The following SYCP2L variants were observed in gnomAD, a reference collection of about 807,000 sequenced individuals.
SYCP2L encodes synaptonemal complex protein 2 like, also known as synaptonemal complex protein 2-like.
Under a neutral mutation model 125.8 loss-of-function variants are expected in SYCP2L, and 98 were observed. The observed-to-expected ratio is 0.78, with a 90% CI of 0.66 to 0.92. The LOEUF is 0.92. SYCP2L is among the 40% of genes least tolerant of loss of function. The pLI, the probability that SYCP2L is intolerant of heterozygous loss-of-function variation, is 0.00. For synonymous variants in SYCP2L, 317 were observed against 325.4 expected, an observed-to-expected ratio of 0.97 and a Z score of 0.28; for missense variants, 842 against 936.4, an observed-to-expected ratio of 0.90 and a Z score of 1.32.
intron 21 of SYCP2L, among the ~76,000 whole-genome samples, chr6:10,936,138 T>G (rs1316333123): frequency 6.6e-6 from 1 of 152,052 alleles, no homozygotes; most frequent in African/African-American, 2.4e-5. Flanking sequence ...AATCTGTTAG[T>G]GTAGCTGCCA....
intron 24 of SYCP2L, among the ~76,000 whole-genome samples, chr6:10,955,720 G>A (rs1266841057): frequency 6.6e-6 from 1 of 152,170 alleles, no homozygotes; most frequent in Non-Finnish European, 1.5e-5. Flanking sequence ...ACTTATGCAA[G>A]CTCTGTTAAA....
intron 6 of SYCP2L, among the ~76,000 whole-genome samples, chr6:10,900,278 G>A (rs890148702): frequency 2.0e-5 from 3 of 151,702 alleles, no homozygotes; most frequent in African/African-American, 7.3e-5. Context: ...TACATGGTGG[G>A]CAGAGACCTG....
intron 21 of SYCP2L, among the ~76,000 whole-genome samples, chr6:10,938,213 T>C (rs1039128131): frequency 6.6e-6 from 1 of 152,176 alleles, no homozygotes; most frequent in African/African-American, 2.4e-5. Context: ...CTATACACCA[T>C]GTTAAAGTAG....
chr6:10,937,159 G>A (rs76224777), intron 21 of SYCP2L, among the ~76,000 whole-genome samples: 5,124 of 152,234 alleles, frequency 0.034, 223 homozygotes, highest in East Asian at 0.22. Flanking sequence ...TGTACAGTGC[G>A]CATGGGACAT....
chr6:10,956,803 T>G (rs959870344), intron 25 of SYCP2L, among the ~76,000 whole-genome samples: 4 of 151,992 alleles, frequency 2.6e-5, no homozygotes, highest in East Asian at 1.9e-4. Context: ...ATCAATCATG[T>G]GTATACCTTG....
chr6:10,935,329 A>G (rs1404806632), intron 21 of SYCP2L, 142 bp downstream of exon 21: 1 of 894,996 alleles, frequency 1.1e-6, no homozygotes, highest in Admixed American at 3.0e-5. Flanking sequence ...GTCTCTTATT[A>G]GCAAATTAAC....
intron 29 of SYCP2L, among the ~76,000 whole-genome samples, chr6:10,966,220 A>C (rs1781674352): frequency 6.6e-6 from 1 of 152,226 alleles, no homozygotes; most frequent in Non-Finnish European, 1.5e-5. Flanking sequence ...TGACCAAGTG[A>C]GATTTATTCC....
At chr6:10,949,519 G>C (rs899758734) in intron 23 of SYCP2L, among the ~76,000 whole-genome samples, 4 of 152,042 alleles carry the variant, frequency 2.6e-5, no homozygotes, top group South Asian at 2.1e-4. Flanking sequence ...AACTGGACTT[G>C]CCTTATGGCT....
intron 29 of SYCP2L, among the ~76,000 whole-genome samples, chr6:10,969,187 A>T (rs1232856422): frequency 1.3e-5 from 2 of 152,144 alleles, no homozygotes; most frequent in Non-Finnish European, 2.9e-5. Context: ...TTTTATAAGG[A>T]TGTAATTCTA....
intron 9 of SYCP2L, 106 bp from the exon 10 acceptor site, chr6:10,907,436 G>A: frequency 9.9e-7 from 1 of 1,013,086 alleles, no homozygotes; most frequent in Non-Finnish European, 1.4e-6. Flanking sequence ...CACAATGCTA[G>A]GCTTCTCAGA....
chr6:10,933,640 G>A (rs995883539), intron 20 of SYCP2L, among the ~76,000 whole-genome samples: 7 of 152,136 alleles, frequency 4.6e-5, no homozygotes, highest in Admixed American at 1.3e-4. Context: ...GGGGTCTTAC[G>A]ATCTTAGTAT....
chr6:10,901,487 A>G (rs77162817), intron 6 of SYCP2L, among the ~76,000 whole-genome samples: 6,565 of 152,178 alleles, frequency 0.043, 476 homozygotes, highest in African/African-American at 0.15. Context: ...AGCTCAGGAA[A>G]ATTTGTTCTT....
chr6:10,921,697 G>A (rs1412179009), intron 14 of SYCP2L, among the ~76,000 whole-genome samples: 4 of 151,084 alleles, frequency 2.6e-5, no homozygotes, highest in Non-Finnish European at 4.4e-5. Flanking sequence ...GTCTGTTTAT[G>A]TCCTTTGACC....
chr6:10,956,269 T>C, intron 25 of SYCP2L, 27 bp downstream of exon 25: 1 of 1,508,268 alleles, frequency 6.6e-7, no homozygotes, highest in East Asian at 2.3e-5. Flanking sequence ...CTTAAAAAAC[T>C]AGAGCGTTAT....
At chr6:10,894,994 G>A (rs1036681335) in intron 4 of SYCP2L, among the ~76,000 whole-genome samples, 5 of 152,158 alleles carry the variant, frequency 3.3e-5, no homozygotes, top group African/African-American at 7.2e-5. Context: ...TCTAAAATGC[G>A]TCTAATTATG....
chr6:10,965,052 G>T (rs1183559699), intron 29 of SYCP2L, among the ~76,000 whole-genome samples: 4 of 152,030 alleles, frequency 2.6e-5, no homozygotes, highest in Non-Finnish European at 4.4e-5. Flanking sequence ...AATATATGTG[G>T]TTTTTGGTGA....
rs942771988 is a variant in SYCP2L at position 10,954,555 on chromosome 6, A to G, written c.1955-561A>G. Among the ~76,000 whole-genome samples the G allele has an allele frequency of 2.0e-5, 3 of 152,198 alleles. No individual in the cohort carries two copies. The highest frequency in any genetic ancestry group is 2.9e-5 in the Non-Finnish European group (2 of 68,032). On this transcript the variant is annotated intron_variant, in intron 23 of 29. Transcript: ENST00000283141. This position sits in a 1 kb window ranked among gnomAD's most constrained non-coding sequence, Gnocchi z 4.8. ...GATGAGGACCAGACATGTCTGGGAT[A>G]AAAGTGAACATCAGAATAGAAAATA...
intron 21 of SYCP2L, 30 bp from the exon 22 acceptor site, chr6:10,942,429 A>G (rs1161643810): frequency 4.9e-5 from 70 of 1,436,550 alleles, no homozygotes; most frequent in Non-Finnish European, 6.3e-5. Flanking sequence ...CTTGGCGTGT[A>G]TTCACTTGAA....
chr6:10,922,000 T>C (rs912595419), intron 14 of SYCP2L, among the ~76,000 whole-genome samples: 14 of 152,214 alleles, frequency 9.2e-5, no homozygotes, highest in African/African-American at 2.2e-4. Flanking sequence ...CCAACATGCC[T>C]GGCCGACCAC....
Sources: gnomAD v4.1 joint callset for allele counts (sites outside exome capture counted in the v4.1 genomes callset) on GRCh38, gnomAD v4.1.1 for gene constraint, Gnocchi (gnomAD v3.1) non-coding constraint, MANE v1.5 for transcripts, NCBI Gene and HGNC (gene_info 2026-07-23, HGNC 2026-07-21) for gene names.